The following ETS1 variants were observed in gnomAD, a reference collection of about 807,000 sequenced individuals.
ETS1 encodes ETS proto-oncogene 1, transcription factor.
ETS1 carries 15 observed loss-of-function variants against 58.6 expected under a neutral mutation model. The ratio of observed to expected loss-of-function variants is 0.26; its 90% confidence interval spans 0.17 to 0.39. ETS1 has a LOEUF of 0.39. ETS1 is among the 10% of genes least tolerant of loss of function. ETS1 has a pLI of 1.00. For synonymous variants in ETS1, 214 were observed against 218.2 expected (o/e 0.98, Z 0.17); for missense variants, 417 against 610.5 (o/e 0.68, Z 3.34).
intron 3 of ETS1, among the ~76,000 whole-genome samples, chr11:128,537,236 G>T (rs1162178846): frequency 6.6e-6 from 1 of 152,040 alleles, no homozygotes; most frequent in African/African-American, 2.4e-5. Flanking sequence ...TCATTTGTTG[G>T]TTTTTTTAAT....
rs890630281 is a variant in ETS1, at chr11:128,463,114, C to A, written c.1242+395G>T. On this transcript the variant is annotated intron_variant, in intron 9 of 9. Transcript: ENST00000392668. The surrounding 1 kb of genome is among the most constrained non-coding windows in gnomAD (Gnocchi z 4.1). ...TTGGGCATGGCACGGAACCACTACTCCATAAACATGTGTGTAATGAAATAA... is the reference window on the plus strand; with the variant it reads ...TTGGGCATGGCACGGAACCACTACTACATAAACATGTGTGTAATGAAATAA... Among the ~76,000 whole-genome samples, 4 of 140,896 alleles carry A rather than the reference C, an allele frequency of 2.8e-5. No homozygotes were observed. Among genetic ancestry groups the A allele is most frequent in the African/African-American group, 7.9e-5 (3 of 37,898 alleles). 92.4% of individuals were successfully genotyped at this position (140,896 alleles called of 152,430 possible).
rs1591660181 is a variant in ETS1 at position 128,556,207 on chromosome 11, G to T, written c.214+84C>A. On this transcript the variant is annotated intron_variant, in intron 3 of 9. Transcript: ENST00000392668. ...TGTACCCGCATAAGCCATGGCAGCT[G>T]TTATTTGAAAGAATGCAGCCCTCAT... The T allele has an allele frequency of 8.3e-6, 10 of 1,198,460 alleles. No individual in the cohort carries two copies. In the East Asian group the frequency reaches 2.5e-4, roughly 29 times the overall value. The allele number at this position is 1,198,460 out of a possible 1,614,324, so 74.2% of individuals were successfully genotyped here. A position where few individuals can be genotyped will look rare whatever the true frequency, so the allele number is the denominator to read the frequency against.
intron 3 of ETS1, among the ~76,000 whole-genome samples, chr11:128,493,987 T>C (rs1050771243): frequency 1.3e-5 from 2 of 152,228 alleles, no homozygotes; most frequent in Non-Finnish European, 2.9e-5. Context: ...GATATCGCTT[T>C]ACTCTTAAAA....
intron 3 of ETS1, among the ~76,000 whole-genome samples, chr11:128,553,232 G>A (rs984078021): frequency 6.6e-6 from 1 of 152,150 alleles, no homozygotes; most frequent in Non-Finnish European, 1.5e-5. Context: ...GGGAAGAGGC[G>A]GACGGTAGGA....
intron 1 of ETS1, among the ~76,000 whole-genome samples, chr11:128,585,863 AC>A (rs1167292483): frequency 6.6e-6 from 1 of 152,092 alleles, no homozygotes; most frequent in Non-Finnish European, 1.5e-5. Context: ...CCCTTCTCCG[AC>A]CCAGCGCTGG....
At chr11:128,486,702 T>C (rs980780991) in intron 5 of ETS1, among the ~76,000 whole-genome samples, 6 of 152,178 alleles carry the variant, frequency 3.9e-5, no homozygotes, top group African/African-American at 1.4e-4. Flanking sequence ...GGTGACTCCA[T>C]TTGGTGAAAT....
chr11:128,526,949 AG>A (rs1863812226), intron 3 of ETS1: 1 of 456,200 alleles, frequency 2.2e-6, no homozygotes. Context: ...AATCTAAAAA[AG>A]TCAGTGTCAG....
At position 128,484,932 on chromosome 11, in the gene ETS1, C is replaced by T. The variant is rs142070153; in HGVS notation, c.753G>A (p.Ser251=). ...LSLKYENDYP[S]VILRDPLQTD... is the part of the protein sequence containing the mutation. The stretch of plus-strand genomic sequence containing the variant: ...TCTGGAGAGGGTCTCGGAGAATGAC[C>T]GAGGGGTAGTCATTCTCATACTTGA... The change falls in exon 7 of 10, where the codon TCG becomes TCA. Residue 251 remains serine, a synonymous_variant. Transcript: ENST00000392668. The T allele has an allele frequency of 1.1e-4, 182 of 1,613,728 alleles. No individual in the cohort carries two copies. In the African/African-American group the frequency reaches 1.6e-3, roughly 14 times the overall value.
rs1862444268 is a variant in ETS1, at chr11:128,480,242, G to A, written c.1072C>T (p.Leu358Phe). ...FKDYVRDRAD[L>F]NKDKPVIPAA... ...GGAATGACAGGCTTGTCCTTATTGAGGTCAGCACGGTCCCGCACATAGTCC... is the reference window on the plus strand; with the variant it reads ...GGAATGACAGGCTTGTCCTTATTGAAGTCAGCACGGTCCCGCACATAGTCC... The change falls in exon 8 of 10, where the codon CTC (leucine) becomes TTC (phenylalanine). Residue 358 changes from leucine to phenylalanine, a missense_variant. This residue lies in a region of ETS1 where 139 missense variants were observed against 152.1 expected (regional missense o/e 0.91). Coordinates refer to ENST00000392668, the MANE Select transcript of ETS1 (RefSeq NM_001143820.2). 1 of 1,613,960 alleles carries A rather than the reference G, an allele frequency of 6.2e-7. No individual in the cohort carries two copies. The highest frequency in any genetic ancestry group is 8.5e-7 in the Non-Finnish European group (1 of 1,180,026).
chr11:128,511,790 CA>C (rs1277260323), intron 3 of ETS1, among the ~76,000 whole-genome samples: 1 of 152,210 alleles, frequency 6.6e-6, no homozygotes, highest in African/African-American at 2.4e-5. Context: ...TGGCTGAACT[CA>C]AATGTCAGGG....
At chr11:128,557,117 G>A (rs1163454745) in intron 2 of ETS1, among the ~76,000 whole-genome samples, 2 of 152,160 alleles carry the variant, frequency 1.3e-5, no homozygotes, top group Non-Finnish European at 2.9e-5. Context: ...AGGCTTTGAA[G>A]CCAGGTATAC....
At chr11:128,490,821 C>T (rs10893880) in intron 3 of ETS1, among the ~76,000 whole-genome samples, 1 of 150,362 alleles carries the variant, frequency 6.7e-6, no homozygotes, top group Non-Finnish European at 1.5e-5. Flanking sequence ...TGGGTTCAAG[C>T]GATTCTCCTG....
At chr11:128,558,649 C>CAAAAAAAA (rs201114905) in intron 2 of ETS1, among the ~76,000 whole-genome samples, 23 of 103,398 alleles carry the variant, frequency 2.2e-4, no homozygotes, top group Non-Finnish European at 4.0e-4. Flanking sequence ...ATATCCATCC[C>CAAAAAAAA]AAAAAAAAAA....
chr11:128,558,031 G>T (rs1337191582), intron 2 of ETS1, among the ~76,000 whole-genome samples: 1 of 152,104 alleles, frequency 6.6e-6, no homozygotes, highest in Non-Finnish European at 1.5e-5. Flanking sequence ...GAACCCAAAA[G>T]GCAGAAGAAG....
chr11:128,477,255 C>T (rs900334184), intron 8 of ETS1, among the ~76,000 whole-genome samples: 10 of 152,320 alleles, frequency 6.6e-5, no homozygotes, highest in African/African-American at 2.4e-4. Flanking sequence ...CAAACATACT[C>T]TGGAGCAATC....
At chr11:128,510,252 T>C (rs994346782) in intron 3 of ETS1, among the ~76,000 whole-genome samples, 12 of 152,342 alleles carry the variant, frequency 7.9e-5, no homozygotes, top group African/African-American at 2.4e-4. Context: ...GAGTACTTTC[T>C]AAATGTGAAC....
At chr11:128,577,903 C>G (rs1365457058) in intron 1 of ETS1, among the ~76,000 whole-genome samples, 1 of 139,044 alleles carries the variant, frequency 7.2e-6, no homozygotes, top group East Asian at 2.0e-4. Flanking sequence ...GAATTCTCTT[C>G]TGCCAAAAAG....
chr11:128,508,357 T>C (rs1863298501), intron 3 of ETS1, among the ~76,000 whole-genome samples: 1 of 152,236 alleles, frequency 6.6e-6, no homozygotes, highest in East Asian at 1.9e-4. Context: ...ATTACCTCCT[T>C]TGTAAGGATC....
At chr11:128,474,965 A>G (rs1862283408) in intron 8 of ETS1, among the ~76,000 whole-genome samples, 1 of 152,266 alleles carries the variant, frequency 6.6e-6, no homozygotes. Context: ...TGCAGACCTC[A>G]GTGAAATGCC....
Sources: gnomAD v4.1 joint callset for allele counts (sites outside exome capture counted in the v4.1 genomes callset) on GRCh38, gnomAD v4.1.1 for gene constraint, gnomAD v4.1.1 regional missense constraint, Gnocchi (gnomAD v3.1) non-coding constraint, MANE v1.5 for transcripts, NCBI Gene and HGNC (gene_info 2026-07-23, HGNC 2026-07-21) for gene names.